The following GYPB variants were observed in gnomAD, a reference collection of about 807,000 sequenced individuals.
GYPB encodes glycophorin B (MNS blood group).
In GYPB, 13 loss-of-function variants were observed where a neutral mutation model predicts 15.3. That is an observed-to-expected ratio of 0.85 (90% CI 0.55 to 1.35). The LOEUF is 1.35. Ranked by LOEUF, GYPB falls within the 40% of genes most tolerant of loss-of-function variation. The probability of loss-of-function intolerance (pLI) is 0.00; values close to 1 mark genes in which losing one functional copy is unlikely to be tolerated. For synonymous variants in GYPB, 38 were observed against 36.9 expected (o/e 1.03, Z -0.11); for missense variants, 131 against 108.3 (o/e 1.21, Z -0.93).
At chr4:144,011,332 A>G (rs139549519) in intron 1 of GYPB, among the ~76,000 whole-genome samples, 7,733 of 151,394 alleles carry the variant, frequency 0.051, 757 homozygotes, top group East Asian at 0.15. Flanking sequence ...GTGAGCCGAG[A>G]TCGTGCCACT....
intron 3 of GYPB, chr4:143,999,160 G>A (rs1205243838): frequency 2.9e-6 from 1 of 343,048 alleles, no homozygotes. Flanking sequence ...AGCCAGGCTT[G>A]GCCTCCCAAA....
At chr4:143,995,266 G>C (rs1236124823), downstream of GYPB, among the ~76,000 whole-genome samples, 3 of 151,428 alleles carry the variant, frequency 2.0e-5, no homozygotes, top group South Asian at 2.1e-4. Flanking sequence ...GTCACCTGGA[G>C]AGGTAATAAC....
rs1377693138 is a variant in GYPB, at chr4:143,997,612, A to G, written c.198T>C (p.Ile66=). ...TAATACCAGCCATCACACACAAAAT[A>G]ATGAGTATTATCACTACAGGAGCTA... ...TVPAPVVIIL[I]ILCVMAGIIG... Residue 66 remains isoleucine (I), a synonymous_variant, in exon 4 of 5, where the codon ATT becomes ATC. Transcript: ENST00000502664. 6.3e-7 allele frequency: 1 copy of G among 1,587,144 alleles called. No individual in the cohort carries two copies.
intron 1 of GYPB, among the ~76,000 whole-genome samples, chr4:144,003,198 G>A (rs942684795): frequency 6.6e-6 from 1 of 151,402 alleles, no homozygotes; most frequent in Non-Finnish European, 1.5e-5. Context: ...CTTAATAAAT[G>A]TTAGATATGA....
At chr4:144,013,847 A>G (rs2149968909) in intron 1 of GYPB, among the ~76,000 whole-genome samples, 1 of 150,916 alleles carries the variant, frequency 6.6e-6, no homozygotes, top group African/African-American at 2.5e-5. Flanking sequence ...GGTGCAGTGC[A>G]CCAGCATGGC....
In GYPB at chr4:144,019,342, C is replaced by T. The variant is rs2149973607; in HGVS notation, c.-55G>A. ...AGTGCAAAAAAACTACCAAAGACAA[C>T]TGCAAGTGTCAGTGTCTGGCCTTAG... On this transcript the variant is annotated 5_prime_UTR_variant, in exon 1 of 5. Transcript: ENST00000502664. The T allele has an allele frequency of 1.2e-6, 2 of 1,611,436 alleles. No individual in the cohort carries two copies. The highest frequency in any genetic ancestry group is 1.7e-5 in the Admixed American group (1 of 59,794).
downstream of GYPB, among the ~76,000 whole-genome samples, chr4:143,995,577 A>G (rs1353504249): frequency 6.6e-6 from 1 of 151,154 alleles, no homozygotes; most frequent in African/African-American, 2.5e-5. Context: ...CAGCCATCTC[A>G]GTAAGATCTG....
intron 1 of GYPB, among the ~76,000 whole-genome samples, chr4:144,006,621 G>A (rs538664101): frequency 3.2e-3 from 479 of 151,940 alleles, no homozygotes; most frequent in Non-Finnish European, 4.7e-3. Context: ...GATGTGATAA[G>A]CTGCTGGTTT....
Position 144,001,190 on chromosome 4 carries a change from G to C in GYPB, c.131C>G (p.Thr44Arg). The C allele has an allele frequency of 6.2e-7, 1 of 1,612,830 alleles. No homozygotes were observed. Among genetic ancestry groups the C allele is most frequent in the Non-Finnish European group, 8.5e-7 (1 of 1,179,814 alleles). ...SVTKSYISSQ[T>R]NGETGQLVHR... is the part of the protein sequence containing the mutation. Reference sequence around the variant, plus strand: ...AAATAAAAATGAAAACAAACCATTTGTCTGTGATGAGATGTAACTCTTTGT... The same window carrying C: ...AAATAAAAATGAAAACAAACCATTTCTCTGTGATGAGATGTAACTCTTTGT... The change falls in exon 2 of 5, where the codon ACA becomes AGA. Residue 44 changes from threonine (T) to arginine (R), a missense_variant. Transcript: ENST00000502664.
rs111943555 is a variant in GYPB, at chr4:143,997,186, TA to T, written c.270+353del. On this transcript the variant is annotated intron_variant, in intron 4 of 4. Coordinates refer to ENST00000502664, the MANE Select transcript of GYPB (RefSeq NM_002100.6). ...CCTCCTCCAAAGTTTTAAACATATGTAAATATATTATTTTAAATATTTTTTA... is the reference window on the plus strand; with the variant it reads ...CCTCCTCCAAAGTTTTAAACATATGTAATATATTATTTTAAATATTTTTTA... Among the ~76,000 whole-genome samples the T allele has an allele frequency of 3.2e-3, 479 of 151,450 alleles. 34 individuals are homozygous for T. Among genetic ancestry groups the T allele is most frequent in the African/African-American group, 0.011 (461 of 40,824 alleles).
intron 1 of GYPB, among the ~76,000 whole-genome samples, chr4:144,011,497 A>T (rs1728220018): frequency 6.6e-6 from 1 of 151,368 alleles, no homozygotes. Flanking sequence ...TTGTGTCATT[A>T]AGCAATATAT....
At chr4:144,018,476 C>T (rs908643993) in intron 1 of GYPB, among the ~76,000 whole-genome samples, 9 of 151,242 alleles carry the variant, frequency 6.0e-5, no homozygotes, top group Non-Finnish European at 1.5e-5. Flanking sequence ...AAGCAACTGC[C>T]TGCCCCCTGT....
At chr4:144,002,578 C>A (rs1234579954) in intron 1 of GYPB, 3 of 1,285,276 alleles carry the variant, frequency 2.3e-6, no homozygotes, top group Non-Finnish European at 3.0e-6. Context: ...TACCTTTGCT[C>A]ATCTCTTGGA....
At chr4:144,018,713 G>A (rs927998232) in intron 1 of GYPB, among the ~76,000 whole-genome samples, 1 of 150,940 alleles carries the variant, frequency 6.6e-6, no homozygotes, top group African/African-American at 2.5e-5. Flanking sequence ...CGACACCTAA[G>A]CCAGTAAGAG....
At chr4:144,001,383 C>A in intron 1 of GYPB, 100 bp from the exon 2 acceptor site, 3 of 1,595,332 alleles carry the variant, frequency 1.9e-6, no homozygotes, top group Non-Finnish European at 2.6e-6. Flanking sequence ...TCCCTCCAGT[C>A]CCTGAGCTAA....
At chr4:144,014,338 A>C (rs900439879) in intron 1 of GYPB, among the ~76,000 whole-genome samples, 1 of 151,796 alleles carries the variant, frequency 6.6e-6, no homozygotes, top group African/African-American at 2.4e-5. Context: ...TGGAAACAAC[A>C]CAAATTTTAA....
In GYPB at chr4:144,003,237, G is replaced by A. The variant is rs181278573; in HGVS notation, c.38-1954C>T. 5.0e-3 allele frequency among the ~76,000 whole-genome samples: 760 copies of A among 151,440 alleles called. 45 individuals carry two copies. The highest frequency in any genetic ancestry group is 0.017 in the African/African-American group (692 of 40,766). ...TTGGCTTATTTCTAGATAGATGAAGGGTTTGAAGCAGTTTTTTATTTAGGG... is the reference window on the plus strand; with the variant it reads ...TTGGCTTATTTCTAGATAGATGAAGAGTTTGAAGCAGTTTTTTATTTAGGG... On this transcript the variant is annotated intron_variant, in intron 1 of 4. Transcript: ENST00000502664.
At chr4:144,007,676 C>G (rs1218333523) in intron 1 of GYPB, among the ~76,000 whole-genome samples, 4 of 151,598 alleles carry the variant, frequency 2.6e-5, no homozygotes, top group Admixed American at 6.6e-5. Flanking sequence ...GAGCAGAGTT[C>G]TATTCCTGGC....
chr4:144,007,003 C>T (rs1164213417), intron 1 of GYPB, among the ~76,000 whole-genome samples: 8 of 150,288 alleles, frequency 5.3e-5, no homozygotes, highest in Middle Eastern at 3.4e-3. Flanking sequence ...TTTAAGGGAA[C>T]GATTTTGTTT....
Sources: allele counts gnomAD v4.1 joint callset (sites outside exome capture counted in the v4.1 genomes callset), GRCh38; gene constraint gnomAD v4.1.1; transcripts MANE v1.5; gene names NCBI Gene and HGNC (gene_info 2026-07-23, HGNC 2026-07-21).